The following TANC2 variants were observed in gnomAD, a reference collection of about 807,000 sequenced individuals.
The protein encoded by TANC2 is protein TANC2.
In TANC2, 26 loss-of-function variants were observed where a neutral mutation model predicts 210.5. The observed-to-expected ratio is 0.12, with a 90% CI of 0.09 to 0.17. TANC2 has a LOEUF of 0.17. Ranked by LOEUF, TANC2 falls within the 10% of genes least tolerant of loss-of-function variation. The pLI is 1.00. For missense variants in TANC2, 2,129 were observed against 2,608.9 expected (o/e 0.82, Z 4.01); for synonymous variants, 931 against 967.1 (o/e 0.96, Z 0.69).
intron 5 of TANC2, among the ~76,000 whole-genome samples, chr17:63,177,921 A>G (rs545569430): frequency 3.9e-5 from 6 of 152,344 alleles, no homozygotes; most frequent in South Asian, 4.1e-4. Context: ...AGGTACTTCT[A>G]TGTCCCTATC....
intron 12 of TANC2, among the ~76,000 whole-genome samples, chr17:63,348,436 T>G (rs747416749): frequency 2.0e-5 from 3 of 152,196 alleles, no homozygotes; most frequent in Non-Finnish European, 4.4e-5. Context: ...TGGGAAACCT[T>G]TTTAGTGACT....
At chr17:63,160,487 A>G (rs1309854494) in intron 5 of TANC2, among the ~76,000 whole-genome samples, 1 of 152,210 alleles carries the variant, frequency 6.6e-6, no homozygotes, top group African/African-American at 2.4e-5. Flanking sequence ...CAACTATTCC[A>G]TCATTTTTTC....
exon 17 of TANC2, chr17:63,389,408 C>T (rs776792236): frequency 6.2e-7 from 1 of 1,613,978 alleles, no homozygotes; most frequent in Non-Finnish European, 8.5e-7. Context: ...CTTGGTTACA[C>T]AGAAATGGTA....
At chr17:63,329,650 G>A (rs151175258) in intron 11 of TANC2, among the ~76,000 whole-genome samples, 2 of 152,168 alleles carry the variant, frequency 1.3e-5, no homozygotes, top group East Asian at 1.9e-4. Context: ...GGTAATCTGC[G>A]ATCAGTAGTC....
chr17:63,322,455 A>G (rs561240524), intron 11 of TANC2, among the ~76,000 whole-genome samples: 7 of 152,244 alleles, frequency 4.6e-5, no homozygotes, highest in East Asian at 1.9e-4. Flanking sequence ...CTGAGATCGC[A>G]CCACTGCACT....
intron 1 of TANC2, among the ~76,000 whole-genome samples, chr17:63,000,137 A>G (rs1004495596): frequency 3.3e-5 from 5 of 152,182 alleles, no homozygotes; most frequent in Admixed American, 2.6e-4. Flanking sequence ...TACTGTGTTT[A>G]TTACCTGAGT....
rs1377172961 is a variant in TANC2 at position 63,222,719 on chromosome 17, A to AC, written c.770-15095_770-15094insC. On this transcript the variant is annotated intron_variant, in intron 7 of 27. Coordinates refer to ENST00000689528, the Ensembl canonical transcript of TANC2. ...AAATTATACCTTAATAAAACTGATT[A>AC]AACACACACACACACACACACACAC... Among the ~76,000 whole-genome samples, 105 of 106,528 alleles carry AC rather than the reference A, an allele frequency of 9.9e-4. 1 individual carries two copies. The highest frequency in any genetic ancestry group is 4.6e-3 in the African/African-American group (103 of 22,322). The allele number at this position is 106,528 out of a possible 152,430, so 69.9% of individuals were successfully genotyped here.
chr17:63,331,642 C>G (rs1002748877), intron 11 of TANC2, among the ~76,000 whole-genome samples: 2 of 152,146 alleles, frequency 1.3e-5, no homozygotes, highest in South Asian at 2.1e-4. Context: ...ACAAAAAGAT[C>G]TGGGTTTTTC....
At chr17:63,163,776 C>T (rs2040109259) in intron 5 of TANC2, among the ~76,000 whole-genome samples, 1 of 152,298 alleles carries the variant, frequency 6.6e-6, no homozygotes, top group South Asian at 2.1e-4. Context: ...TTAGCACAAA[C>T]CAAATCTCAG....
intron 3 of TANC2, among the ~76,000 whole-genome samples, chr17:63,077,053 T>C (rs2036595385): frequency 6.6e-6 from 1 of 152,166 alleles, no homozygotes; most frequent in Admixed American, 6.6e-5. Context: ...CACTTTGTGC[T>C]TAGTACAATG....
intron 4 of TANC2, among the ~76,000 whole-genome samples, chr17:63,101,132 T>G (rs1424143364): frequency 6.6e-6 from 1 of 152,214 alleles, no homozygotes; most frequent in African/African-American, 2.4e-5. Context: ...ATGAAATTAC[T>G]TTGAAATTCA....
intron 7 of TANC2, among the ~76,000 whole-genome samples, chr17:63,219,222 G>A (rs944849507): frequency 2.6e-5 from 4 of 152,172 alleles, no homozygotes; most frequent in Non-Finnish European, 5.9e-5. Flanking sequence ...ATGGCAGGCA[G>A]GCCAAATCTG....
At chr17:63,076,981 T>C (rs1217798057) in intron 3 of TANC2, among the ~76,000 whole-genome samples, 1 of 152,170 alleles carries the variant, frequency 6.6e-6, no homozygotes, top group Non-Finnish European at 1.5e-5. Context: ...AAAGAAATCA[T>C]CAAGATGATT....
chr17:63,124,666 C>T (rs927873599), intron 4 of TANC2, among the ~76,000 whole-genome samples: 1 of 152,180 alleles, frequency 6.6e-6, no homozygotes, highest in African/African-American at 2.4e-5. Flanking sequence ...GGATCCCCAA[C>T]GCTCAGGCTG....
At chr17:63,023,763 T>A (rs1390809862) in intron 2 of TANC2, among the ~76,000 whole-genome samples, 1 of 152,222 alleles carries the variant, frequency 6.6e-6, no homozygotes, top group Non-Finnish European at 1.5e-5. Flanking sequence ...TGTGGCCTTA[T>A]AACAGAAAAT....
intron 4 of TANC2, among the ~76,000 whole-genome samples, chr17:63,135,575 G>A (rs2039062348): frequency 6.6e-6 from 1 of 151,488 alleles, no homozygotes; most frequent in African/African-American, 2.4e-5. Context: ...AAAATAGGAA[G>A]GCCATATATT....
intron 4 of TANC2, among the ~76,000 whole-genome samples, chr17:63,112,701 G>T (rs1173299238): frequency 6.6e-6 from 1 of 152,204 alleles, no homozygotes; most frequent in African/African-American, 2.4e-5. Context: ...AATGTGTGTA[G>T]AGTTTCTTTT....
chr17:63,116,016 G>A (rs1394345864), intron 4 of TANC2, among the ~76,000 whole-genome samples: 2 of 152,094 alleles, frequency 1.3e-5, no homozygotes, highest in African/African-American at 2.4e-5. Flanking sequence ...CAACAAATAC[G>A]TAACTTTTCC....
chr17:63,317,603 C>A (rs2045355886), intron 10 of TANC2, among the ~76,000 whole-genome samples: 1 of 152,196 alleles, frequency 6.6e-6, no homozygotes, highest in Admixed American at 6.5e-5. Flanking sequence ...CTAAAAGTCT[C>A]AATGTAGTTA....
Sources: allele counts gnomAD v4.1 joint callset (sites outside exome capture counted in the v4.1 genomes callset), GRCh38; gene constraint gnomAD v4.1.1; transcripts MANE v1.5; gene names NCBI Gene and HGNC (gene_info 2026-07-23, HGNC 2026-07-21).